Variants in EP400 observed in about 807,000 individuals in gnomAD.
EP400 encodes E1A-binding protein p400.
A neutral mutation model predicts 354.1 loss-of-function variants in EP400; 105 were observed. That is an observed-to-expected ratio of 0.30 (90% CI 0.25 to 0.35). EP400 has a LOEUF of 0.35. Ranked by LOEUF, EP400 falls within the 10% of genes least tolerant of loss-of-function variation. The probability of loss-of-function intolerance (pLI) is 1.00; values close to 1 mark genes in which losing one functional copy is unlikely to be tolerated. For synonymous variants in EP400, 1,646 were observed against 1,716.9 expected (o/e 0.96, Z 1.02); for missense variants, 3,280 against 4,121.0 (o/e 0.80, Z 5.59).
Position 131,960,585 on chromosome 12 carries a change from G to A in EP400, c.-35G>A, listed in dbSNP as rs1346306248. 6.5e-7 allele frequency: 1 copy of A among 1,545,464 alleles called. No individual in the cohort carries two copies. The highest frequency in any genetic ancestry group is 8.7e-7 in the Non-Finnish European group (1 of 1,144,866). ...ACTTGATTTTAATTTTAATTTTTAG[G>A]AGAACGACACATTGGATACAGAAGG... On this transcript the variant is annotated splice_region_variant and 5_prime_UTR_variant, in exon 2 of 53. Transcript: ENST00000389561.
chr12:131,990,167 C>A lies in EP400; in HGVS notation c.2550+63C>A. The A allele has an allele frequency of 6.5e-7, 1 of 1,542,732 alleles. No homozygotes were observed. Among genetic ancestry groups the A allele is most frequent in the Non-Finnish European group, 8.7e-7 (1 of 1,149,396 alleles). ...TCTGTCGGAGCTGGTGAGGCCACTT[C>A]CCGAGACCAGAGCTCGGGCACCTTG... On this transcript the variant is annotated intron_variant, in intron 8 of 52. Coordinates refer to ENST00000389561, the MANE Select transcript of EP400 (RefSeq NM_015409.5). The surrounding 1 kb of genome is among the most constrained non-coding windows in gnomAD (Gnocchi z 4.2).
chr12:132,066,709 A>C, intron 48 of EP400, 65 bp from the exon 49 acceptor site: 2 of 1,485,182 alleles, frequency 1.3e-6, no homozygotes, highest in Non-Finnish European at 1.8e-6. Flanking sequence ...CTTGTGGAGA[A>C]GTATTTGGAA....
chr12:131,997,787 T>C (rs1706821540), intron 12 of EP400, among the ~76,000 whole-genome samples: 1 of 152,176 alleles, frequency 6.6e-6, no homozygotes, highest in Non-Finnish European at 1.5e-5. Context: ...GGATAAAATC[T>C]GCATGGAAGA....
intron 30 of EP400, among the ~76,000 whole-genome samples, chr12:132,033,122 A>G (rs1200175819): frequency 6.7e-6 from 1 of 149,670 alleles, no homozygotes; most frequent in African/African-American, 2.5e-5. Flanking sequence ...TAGTTTTTGT[A>G]TTTTTAGTAG....
chr12:131,999,353 A>G (rs911076354), intron 12 of EP400, among the ~76,000 whole-genome samples: 12 of 152,182 alleles, frequency 7.9e-5, no homozygotes, highest in Non-Finnish European at 1.6e-4. Flanking sequence ...ATAAATGGAC[A>G]TAGTGTATAG....
At chr12:132,005,430 T>G (rs536006147) in intron 13 of EP400, among the ~76,000 whole-genome samples, 1 of 152,362 alleles carries the variant, frequency 6.6e-6, no homozygotes, top group South Asian at 2.1e-4. Context: ...TCTCTAGATT[T>G]ATAAACATCA....
chr12:132,029,700 G>T lies in EP400; in HGVS notation c.5382-1G>T. 6.2e-7 allele frequency: 1 copy of T among 1,611,740 alleles called. No individual in the cohort carries two copies. The highest frequency in any genetic ancestry group is 8.5e-7 in the Non-Finnish European group (1 of 1,179,494). ...GACAAAACATGCTTTCTGCTCCTCA[G>T]GGTGGCCTTTGTGATTCCTCCGGTG... On this transcript the variant is annotated splice_acceptor_variant, in intron 27 of 52. Coordinates refer to ENST00000389561, the MANE Select transcript of EP400 (RefSeq NM_015409.5). LOFTEE classifies it high-confidence loss of function. The surrounding 1 kb of genome is among the most constrained non-coding windows in gnomAD (Gnocchi z 4.7).
At position 132,050,806 on chromosome 12, in the gene EP400, T is replaced by A; in HGVS notation, c.7394+151T>A. 1 of 890,512 alleles carries A rather than the reference T, an allele frequency of 1.1e-6. No homozygotes were observed. The highest frequency in any genetic ancestry group is 2.5e-5 in the East Asian group (1 of 39,886). The allele number at this position is 890,512 out of a possible 1,614,324, so 55.2% of individuals were successfully genotyped here. A position where few individuals can be genotyped will look rare whatever the true frequency, so the allele number is the denominator to read the frequency against. ...GTGCGCAGAACCTGCAGGAGAGAGG[T>A]GCTTTTCCTGCCGTGGGCTAGGGTA... On this transcript the variant is annotated intron_variant, in intron 41 of 52. Transcript: ENST00000389561. This position sits in a 1 kb window ranked among gnomAD's most constrained non-coding sequence, Gnocchi z 4.8.
At chr12:132,042,153 G>GT (rs1389683114) in intron 32 of EP400, among the ~76,000 whole-genome samples, 1 of 151,996 alleles carries the variant, frequency 6.6e-6, no homozygotes, top group African/African-American at 2.4e-5. Flanking sequence ...GTTTCTCCAT[G>GT]TTGGCCAGGC....
chr12:131,966,623 G>A (rs1234174743), intron 2 of EP400, among the ~76,000 whole-genome samples: 1 of 147,722 alleles, frequency 6.8e-6, no homozygotes, highest in Admixed American at 6.7e-5. Flanking sequence ...AAAAAATTAG[G>A]CCGGGCGTGG....
intron 2 of EP400, 44 bp from the exon 3 acceptor site, chr12:131,979,650 G>A: frequency 6.5e-7 from 1 of 1,547,528 alleles, no homozygotes; most frequent in Non-Finnish European, 8.8e-7. Flanking sequence ...TTCTTGTAAT[G>A]GCCTTCAGTG....
intron 2 of EP400, among the ~76,000 whole-genome samples, chr12:131,978,805 C>A (rs1274922338): frequency 6.6e-6 from 1 of 152,186 alleles, no homozygotes; most frequent in Non-Finnish European, 1.5e-5. Flanking sequence ...AGCCACCACA[C>A]CTGGTGATGG....
intron 1 of EP400, among the ~76,000 whole-genome samples, chr12:131,958,895 C>T (rs1891788353): frequency 6.6e-6 from 1 of 152,114 alleles, no homozygotes; most frequent in Non-Finnish European, 1.5e-5. Context: ...GCAGTGATGT[C>T]CTTGCGATGA....
At chr12:131,974,987 CAAAAAAAA>C (rs764013155) in intron 2 of EP400, among the ~76,000 whole-genome samples, 1 of 43,328 alleles carries the variant, frequency 2.3e-5, no homozygotes, top group Non-Finnish European at 5.0e-5. Flanking sequence ...GACTCCATCT[CAAAAAAAA>C]AAAAAAAAAA....
chr12:131,995,086 G>T (rs1005074614), intron 12 of EP400, 130 bp downstream of exon 12: 6 of 807,952 alleles, frequency 7.4e-6, no homozygotes, highest in Non-Finnish European at 1.2e-5. Flanking sequence ...GTCCCTGTGT[G>T]CCTCCTGCTG....
chr12:131,980,003 G>T (rs1892624119), intron 3 of EP400, among the ~76,000 whole-genome samples: 1 of 152,232 alleles, frequency 6.6e-6, no homozygotes, highest in Non-Finnish European at 1.5e-5. Context: ...TTGAGCAGGT[G>T]TATTCCGTGT....
At chr12:132,055,277 ATTCTTC>A (rs954174852) in intron 45 of EP400, 69 bp downstream of exon 45, 7 of 1,259,126 alleles carry the variant, frequency 5.6e-6, no homozygotes, top group African/African-American at 1.5e-5. Context: ...TTGTCTGTTA[ATTCTTC>A]TTCTTCTTTT....
chr12:132,020,093 C>G lies in EP400; in HGVS notation c.4322C>G (p.Thr1441Ser), dbSNP rs373857619. The G allele has an allele frequency of 8.1e-6, 13 of 1,602,372 alleles. No homozygotes were observed. Among genetic ancestry groups the G allele is most frequent in the Non-Finnish European group, 1.1e-5 (13 of 1,174,270 alleles). The change falls in exon 22 of 53, where the codon ACC (threonine) becomes AGC (serine). Residue 1441 changes from threonine to serine, a missense_variant. Around this residue, in one of 20 missense-constraint regions of EP400, gnomAD observed 342 missense variants for 342.7 expected, o/e 1.00. Coordinates refer to ENST00000389561, the MANE Select transcript of EP400 (RefSeq NM_015409.5). Reference protein sequence around the residue: ...VQYGQKPEGRTVAFPSTHPPR... With the variant: ...VQYGQKPEGRSVAFPSTHPPR... The stretch of plus-strand genomic sequence containing the variant: ...TATGGCCAGAAGCCCGAGGGTCGCA[C>G]CGTGGCTTTCCCCAGCACTCACCCG...
chr12:132,006,658 A>G, intron 14 of EP400, 42 bp from the exon 15 acceptor site: 1 of 1,540,252 alleles, frequency 6.5e-7, no homozygotes, highest in African/African-American at 1.4e-5. Context: ...TTGGGTGATT[A>G]TTTTGACGAG....
Sources: gnomAD v4.1 joint callset for allele counts (sites outside exome capture counted in the v4.1 genomes callset) on GRCh38, gnomAD v4.1.1 for gene constraint, gnomAD v4.1.1 regional missense constraint, Gnocchi (gnomAD v3.1) non-coding constraint, MANE v1.5 for transcripts, NCBI Gene and HGNC (gene_info 2026-07-23, HGNC 2026-07-21) for gene names.